Variants in ZNF236 observed in about 807,000 individuals in gnomAD.
ZNF236 encodes zinc finger protein 236.
In ZNF236, 50 loss-of-function variants were observed where a neutral mutation model predicts 191.2. The observed-to-expected ratio is 0.26, with a 90% CI of 0.21 to 0.33. ZNF236 has a LOEUF of 0.33. Among genes scored for constraint, ZNF236 ranks in the 10% least tolerant of loss-of-function variants. The pLI is 1.00. For synonymous variants in ZNF236, 907 were observed against 928.8 expected (o/e 0.98, Z 0.43); for missense variants, 1,754 against 2,374.5 (o/e 0.74, Z 5.43).
intron 28 of ZNF236, among the ~76,000 whole-genome samples, chr18:76,957,595 GA>G (rs902981718): frequency 2.0e-5 from 3 of 152,206 alleles, no homozygotes; most frequent in African/African-American, 7.2e-5. Flanking sequence ...GGTCACAGGG[GA>G]TTGTTGTACA....
intron 10 of ZNF236, among the ~76,000 whole-genome samples, chr18:76,896,343 A>G (rs1188274507): frequency 6.6e-6 from 1 of 151,886 alleles, no homozygotes; most frequent in East Asian, 1.9e-4. Context: ...CAGGGACCGC[A>G]CACAGTACCA....
chr18:76,904,291 A>G (rs1343026274), intron 11 of ZNF236, 89 bp from the exon 12 acceptor site: 1 of 1,320,846 alleles, frequency 7.6e-7, no homozygotes. Flanking sequence ...CAGAATTTTC[A>G]TCTTCTGGGT....
chr18:76,829,036 C>T (rs755438253), intron 1 of ZNF236, among the ~76,000 whole-genome samples: 13 of 152,190 alleles, frequency 8.5e-5, no homozygotes, highest in Non-Finnish European at 1.9e-4. Flanking sequence ...AGTGACATCA[C>T]ATGGGTTTAA....
Position 76,960,131 on chromosome 18 carries a change from G to T in ZNF236, c.5242+315G>T, listed in dbSNP as rs371942528. ...CTGGAGCAAACAGGCGGCCCCCAGTGCCTGGGTCCCATGTCCTCAATGTCA... is the reference window on the plus strand; with the variant it reads ...CTGGAGCAAACAGGCGGCCCCCAGTTCCTGGGTCCCATGTCCTCAATGTCA... On this transcript the variant is annotated intron_variant, in intron 29 of 30. Coordinates refer to ENST00000320610, the MANE Select transcript of ZNF236 (RefSeq NM_001306089.2). This position sits in a 1 kb window ranked among gnomAD's most constrained non-coding sequence, Gnocchi z 4.4. 6.6e-6 allele frequency among the ~76,000 whole-genome samples: 1 copy of T among 152,126 alleles called. No individual in the cohort carries two copies. Among genetic ancestry groups the T allele is most frequent in the African/African-American group, 2.4e-5 (1 of 41,414 alleles).
intron 11 of ZNF236, among the ~76,000 whole-genome samples, chr18:76,900,351 T>G (rs898681382): frequency 3.9e-5 from 6 of 152,096 alleles, no homozygotes; most frequent in Admixed American, 3.9e-4. Context: ...TGAAAGATCC[T>G]CAATTAGACA....
rs1220099257 is a variant in ZNF236 at position 76,915,724 on chromosome 18, C to A, written c.3139C>A (p.His1047Asn). The A allele has an allele frequency of 6.2e-7, 1 of 1,614,132 alleles. No homozygotes were observed. Among genetic ancestry groups the A allele is most frequent in the South Asian group, 1.1e-5 (1 of 91,072 alleles). ...NGSLTRHMAT[H>N]MSMKPYKCPF... The stretch of plus-strand genomic sequence containing the variant: ...CAGCCTCACCCGGCACATGGCCACA[C>A]ATATGAGCATGAAGCCTTATAAGTG... Residue 1047 changes from histidine to asparagine, a missense_variant, in exon 19 of 31, where the codon CAT becomes AAT. Coordinates refer to ENST00000320610, the MANE Select transcript of ZNF236 (RefSeq NM_001306089.2).
rs1968153688 is a variant in ZNF236 at position 76,942,448 on chromosome 18, CAG to C, written c.4783-5069_4783-5068del. ...CCATGAAAGATGATGTTCCTAAAAA[CAG>C]AGAAAGGTGGTCTTACTTTACTTAA... On this transcript the variant is annotated intron_variant, in intron 26 of 30. Transcript: ENST00000320610. Among the ~76,000 whole-genome samples the C allele has an allele frequency of 2.6e-5, 4 of 152,226 alleles. No individual in the cohort carries two copies. The East Asian group carries it at 7.7e-4, about 29-fold the overall frequency.
chr18:76,823,685 C>T (rs1366618153), intron 1 of ZNF236, among the ~76,000 whole-genome samples: 3 of 152,244 alleles, frequency 2.0e-5, no homozygotes, highest in African/African-American at 7.2e-5. Flanking sequence ...AACCGGGCAC[C>T]CCCAGACCCT....
At chr18:76,877,071 T>C (rs1171604874) in intron 6 of ZNF236, among the ~76,000 whole-genome samples, 1 of 152,196 alleles carries the variant, frequency 6.6e-6, no homozygotes, top group Non-Finnish European at 1.5e-5. Context: ...CCAATGGGTT[T>C]TCAAGCTAGC....
chr18:76,826,839 G>T (rs1975033298), intron 1 of ZNF236, among the ~76,000 whole-genome samples: 1 of 149,554 alleles, frequency 6.7e-6, no homozygotes, highest in African/African-American at 2.4e-5. Flanking sequence ...GTTCTGCCTT[G>T]ATAAATATAA....
At chr18:76,856,957 C>G (rs1422201519) in intron 3 of ZNF236, among the ~76,000 whole-genome samples, 1 of 152,210 alleles carries the variant, frequency 6.6e-6, no homozygotes, top group Non-Finnish European at 1.5e-5. Flanking sequence ...GGTACAGATC[C>G]TCATACATGC....
intron 26 of ZNF236, among the ~76,000 whole-genome samples, chr18:76,943,025 A>C (rs1968171615): frequency 6.8e-6 from 1 of 147,086 alleles, no homozygotes; most frequent in African/African-American, 2.5e-5. Flanking sequence ...TGGGAGGCTG[A>C]GGCAGGAGAA....
chr18:76,849,705 G>A lies in ZNF236; in HGVS notation c.198+37G>A, dbSNP rs752184476. The A allele has an allele frequency of 1.7e-5, 24 of 1,447,412 alleles. 1 individual carries two copies. The South Asian group carries it at 3.1e-4, about 19-fold the overall frequency. The allele number at this position is 1,447,412 out of a possible 1,614,324, so 89.7% of individuals were successfully genotyped here. A position where few individuals can be genotyped will look rare whatever the true frequency, so the allele number is the denominator to read the frequency against. On this transcript the variant is annotated intron_variant, in intron 2 of 30. Coordinates refer to ENST00000320610, the MANE Select transcript of ZNF236 (RefSeq NM_001306089.2). ...CAAAGGTGATGTCAGGAATGTGAGC[G>A]TTGAAACTGGAGGTATTGTAAAAAT...
intron 26 of ZNF236, 129 bp from the exon 27 acceptor site, chr18:76,947,392 A>G (rs1455813630): frequency 1.8e-6 from 2 of 1,094,236 alleles, no homozygotes; most frequent in Non-Finnish European, 2.6e-6. Context: ...TTACATGGTG[A>G]CTCCACGGTT....
chr18:76,961,524 T>C (rs188638047), intron 30 of ZNF236, among the ~76,000 whole-genome samples: 47 of 152,244 alleles, frequency 3.1e-4, no homozygotes, highest in Middle Eastern at 6.8e-3. Flanking sequence ...TGTGCAAGTG[T>C]CTTTTTCATA....
Position 76,846,993 on chromosome 18 carries a change from A to G in ZNF236, c.56-2533A>G, listed in dbSNP as rs115220997. Among the ~76,000 whole-genome samples, 1,009 of 152,040 alleles carry G rather than the reference A, an allele frequency of 6.6e-3. 10 individuals carry two copies. Among genetic ancestry groups the G allele is most frequent in the African/African-American group, 0.019 (787 of 41,480 alleles). ...TATTTTTCGCAGAGGGGGTATCACT[A>G]TGTTGGCCAGGCTGGTCTCAAACTC... On this transcript the variant is annotated intron_variant, in intron 1 of 30. Coordinates refer to ENST00000320610, the MANE Select transcript of ZNF236 (RefSeq NM_001306089.2).
intron 2 of ZNF236, 84 bp downstream of exon 2, chr18:76,849,752 T>C (rs1975802476): frequency 1.6e-6 from 2 of 1,269,566 alleles, no homozygotes; most frequent in Admixed American, 3.4e-5. Context: ...ATCAAAACTT[T>C]TAATTTAGGT....
At chr18:76,899,463 G>A (rs758626121) in intron 11 of ZNF236, among the ~76,000 whole-genome samples, 1 of 152,232 alleles carries the variant, frequency 6.6e-6, no homozygotes, top group Non-Finnish European at 1.5e-5. Context: ...GACAAATAAT[G>A]TGTAAGTGAA....
At chr18:76,879,992 T>G (rs1280203745) in intron 7 of ZNF236, 121 bp from the exon 8 acceptor site, 2 of 886,190 alleles carry the variant, frequency 2.3e-6, no homozygotes, top group Non-Finnish European at 3.4e-6. Flanking sequence ...AATTTATGTT[T>G]AGGATACTCT....
Sources: gnomAD v4.1 joint callset for allele counts (sites outside exome capture counted in the v4.1 genomes callset) on GRCh38, gnomAD v4.1.1 for gene constraint, Gnocchi (gnomAD v3.1) non-coding constraint, MANE v1.5 for transcripts, NCBI Gene and HGNC (gene_info 2026-07-23, HGNC 2026-07-21) for gene names.